LOXHD1: variants seen among roughly 807,000 people sequenced by gnomAD.
LOXHD1 encodes the protein lipoxygenase homology domain-containing protein 1.
Under a neutral mutation model 248.2 loss-of-function variants are expected in LOXHD1, and 205 were observed. The observed-to-expected ratio is 0.83, with a 90% CI of 0.74 to 0.93. LOXHD1 has a LOEUF of 0.93. LOXHD1 is among the 40% of genes least tolerant of loss of function. LOXHD1 has a pLI of 0.00. For missense variants in LOXHD1, 2,930 were observed against 2,971.6 expected, an observed-to-expected ratio of 0.99 and a Z score of 0.33; for synonymous variants, 1,113 against 1,162.8, an observed-to-expected ratio of 0.96 and a Z score of 0.87.
chr18:46,623,627 CA>C (rs999711955), intron 4 of LOXHD1, among the ~76,000 whole-genome samples: 23 of 152,226 alleles, frequency 1.5e-4, no homozygotes, highest in Non-Finnish European at 3.2e-4. Flanking sequence ...GGCAGGGGCA[CA>C]AGGCTGCTCC....
intron 34 of LOXHD1, among the ~76,000 whole-genome samples, chr18:46,513,383 A>T (rs900251739): frequency 6.6e-6 from 1 of 152,216 alleles, no homozygotes; most frequent in Admixed American, 6.5e-5. Flanking sequence ...CTGTATGGTA[A>T]AAAGAAAAGG....
intron 12 of LOXHD1, among the ~76,000 whole-genome samples, chr18:46,582,646 C>T (rs574863267): frequency 2.6e-5 from 4 of 152,156 alleles, no homozygotes; most frequent in Non-Finnish European, 5.9e-5. Context: ...ACATTTCCAT[C>T]AAAAGCCGGA....
intron 4 of LOXHD1, among the ~76,000 whole-genome samples, chr18:46,628,310 G>A (rs893080857): frequency 6.6e-6 from 1 of 152,212 alleles, no homozygotes; most frequent in Non-Finnish European, 1.5e-5. Context: ...GGGAGCAGAT[G>A]GGGTGGGCGG....
chr18:46,569,427 G>A lies in LOXHD1; in HGVS notation c.2244+15C>T. On this transcript the variant is annotated intron_variant, in intron 16 of 40. Coordinates refer to ENST00000642948, the MANE Select transcript of LOXHD1 (RefSeq NM_001384474.1). The stretch of plus-strand genomic sequence containing the variant: ...GGGTGGGATGATGTCACATGGTCTT[G>A]GGAAGGAGACTTACATTTCCAATGT... 6.5e-7 allele frequency: 1 copy of A among 1,549,712 alleles called. No individual in the cohort carries two copies.
chr18:46,567,890 G>A (rs8097180), intron 16 of LOXHD1, among the ~76,000 whole-genome samples: 25,015 of 151,992 alleles, frequency 0.16, 3,125 homozygotes, highest in African/African-American at 0.35. Flanking sequence ...AGGGGGTTTC[G>A]GAAACTCAGG....
At chr18:46,615,153 T>C (rs1169598820) in intron 5 of LOXHD1, among the ~76,000 whole-genome samples, 12 of 152,200 alleles carry the variant, frequency 7.9e-5, no homozygotes. Context: ...CCCTCAAGCA[T>C]AAATGATGAT....
chr18:46,484,169 AATGGAGAAGGT>A (rs978267779), intron 39 of LOXHD1, among the ~76,000 whole-genome samples: 1 of 152,030 alleles, frequency 6.6e-6, no homozygotes, highest in African/African-American at 2.4e-5. Flanking sequence ...GGGAAAAGCT[AATGGAGAAGGT>A]ATGGGTGCAG....
chr18:46,480,277 A>G (rs1463158646), intron 40 of LOXHD1, among the ~76,000 whole-genome samples: 2 of 152,036 alleles, frequency 1.3e-5, no homozygotes, highest in East Asian at 1.9e-4. Context: ...TTCTCCTCAG[A>G]TAACCCATGT....
chr18:46,556,791 A>C (rs868677251), intron 21 of LOXHD1: 16 of 155,184 alleles, frequency 1.0e-4, no homozygotes, highest in East Asian at 2.2e-4. Context: ...CAGACATCAC[A>C]GCCAGCCCAC....
chr18:46,486,184 A>C (rs1326702940), intron 38 of LOXHD1, among the ~76,000 whole-genome samples: 1 of 152,192 alleles, frequency 6.6e-6, no homozygotes, highest in African/African-American at 2.4e-5. Flanking sequence ...TGGAGGACAC[A>C]GTAAGTGTCT....
chr18:46,515,648 T>C (rs1020637810), intron 34 of LOXHD1, among the ~76,000 whole-genome samples: 1 of 152,178 alleles, frequency 6.6e-6, no homozygotes, highest in African/African-American at 2.4e-5. Flanking sequence ...AGGAGTGGGA[T>C]AGTTAATCAG....
intron 2 of LOXHD1, among the ~76,000 whole-genome samples, chr18:46,645,528 T>G (rs1346632158): frequency 6.6e-6 from 1 of 152,154 alleles, no homozygotes; most frequent in African/African-American, 2.4e-5. Context: ...TCTGAACACA[T>G]GACTCAGAGC....
chr18:46,564,083 G>GGA (rs771086283), intron 17 of LOXHD1, among the ~76,000 whole-genome samples: 3,352 of 149,028 alleles, frequency 0.022, 41 homozygotes, highest in Middle Eastern at 0.056. Flanking sequence ...GGAAGGAGGG[G>GGA]GAGAGAGAGA....
chr18:46,493,527 T>C (rs1024478545), intron 37 of LOXHD1, among the ~76,000 whole-genome samples: 1 of 152,252 alleles, frequency 6.6e-6, no homozygotes, highest in Non-Finnish European at 1.5e-5. Flanking sequence ...GTTTATTGAA[T>C]GCATTAGTGT....
intron 34 of LOXHD1, among the ~76,000 whole-genome samples, chr18:46,511,869 C>G (rs2034983772): frequency 6.6e-6 from 1 of 152,164 alleles, no homozygotes; most frequent in Non-Finnish European, 1.5e-5. Flanking sequence ...TCCTTCCAGT[C>G]TGAAGTTCTC....
At chr18:46,514,077 G>T (rs2035116109) in intron 34 of LOXHD1, among the ~76,000 whole-genome samples, 1 of 152,208 alleles carries the variant, frequency 6.6e-6, no homozygotes, top group South Asian at 2.1e-4. Context: ...GACATATGAG[G>T]TGATGGGGAG....
intron 2 of LOXHD1, among the ~76,000 whole-genome samples, 192 bp from the exon 3 acceptor site, chr18:46,642,228 C>T (rs916811997): frequency 5.3e-5 from 8 of 152,210 alleles, no homozygotes; most frequent in African/African-American, 1.9e-4. Flanking sequence ...AGTATCATTC[C>T]GTGCCCTCAC....
chr18:46,593,552 A>G (rs879141290), intron 10 of LOXHD1, 48 bp downstream of exon 10: 3 of 1,542,608 alleles, frequency 1.9e-6, no homozygotes, highest in South Asian at 1.2e-5. Flanking sequence ...CGAATGCCCT[A>G]CATCCCTTCC....
In LOXHD1 at chr18:46,533,325, C is replaced by T. The variant is rs1246563058; in HGVS notation, c.4213-1G>A. On this transcript the variant is annotated splice_acceptor_variant, in intron 27 of 40. Coordinates refer to ENST00000642948, the MANE Select transcript of LOXHD1 (RefSeq NM_001384474.1). LOFTEE classifies it high-confidence loss of function. ...ATGGGAAAGTCAAGGTCTCTGCACC[C>T]TGGGGTGAGGCAGAAAAAGGAAAAT... 6.4e-7 allele frequency: 1 copy of T among 1,551,478 alleles called. No homozygotes were observed. The highest frequency in any genetic ancestry group is 2.4e-5 in the East Asian group (1 of 40,922).
Sources: gnomAD v4.1 joint callset for allele counts (sites outside exome capture counted in the v4.1 genomes callset) on GRCh38, gnomAD v4.1.1 for gene constraint, MANE v1.5 for transcripts, NCBI Gene and HGNC (gene_info 2026-07-23, HGNC 2026-07-21) for gene names.